MGAT5: variants seen among roughly 807,000 people sequenced by gnomAD.
MGAT5 encodes the protein alpha-1,6-mannosylglycoprotein 6-beta-N-acetylglucosaminyltransferase.
Under a neutral mutation model 94.3 loss-of-function variants are expected in MGAT5, and 30 were observed. The observed-to-expected ratio is 0.32, with a 90% CI of 0.24 to 0.43. MGAT5 has a LOEUF of 0.43. MGAT5 is among the 20% of genes least tolerant of loss of function. The pLI is 1.00. For missense variants in MGAT5, 691 were observed against 905.5 expected, an observed-to-expected ratio of 0.76 and a Z score of 3.04; for synonymous variants, 310 against 322.9, an observed-to-expected ratio of 0.96 and a Z score of 0.43.
chr2:134,392,899 C>T (rs112627312), intron 10 of MGAT5, among the ~76,000 whole-genome samples: 24 of 152,280 alleles, frequency 1.6e-4, no homozygotes, highest in African/African-American at 5.3e-4. Context: ...ACAGAAAGCC[C>T]TTGGTGAGGG....
intron 1 of MGAT5, among the ~76,000 whole-genome samples, chr2:134,237,466 A>T (rs1485960763): frequency 1.3e-5 from 2 of 152,154 alleles, no homozygotes; most frequent in Non-Finnish European, 2.9e-5. Flanking sequence ...GGGGAGGAGG[A>T]TAAAGGAGAA....
intron 10 of MGAT5, among the ~76,000 whole-genome samples, chr2:134,365,816 C>A (rs1680394090): frequency 6.6e-6 from 1 of 152,066 alleles, no homozygotes; most frequent in Non-Finnish European, 1.5e-5. Context: ...TACTAAAATA[C>A]TAGATACTAA....
chr2:134,263,746 G>C (rs997363609), intron 1 of MGAT5, among the ~76,000 whole-genome samples: 7 of 152,158 alleles, frequency 4.6e-5, no homozygotes, highest in African/African-American at 1.7e-4. Context: ...ATTGTACTAT[G>C]TATATATATT....
At chr2:134,235,558 C>T (rs1017342811) in intron 1 of MGAT5, among the ~76,000 whole-genome samples, 1 of 151,998 alleles carries the variant, frequency 6.6e-6, no homozygotes, top group African/African-American at 2.4e-5. Flanking sequence ...CCGGTAACAC[C>T]ATGAGCTAAA....
chr2:134,430,480 A>G (rs1458626211), intron 14 of MGAT5, among the ~76,000 whole-genome samples: 3 of 152,136 alleles, frequency 2.0e-5, no homozygotes, highest in Non-Finnish European at 4.4e-5. Context: ...TGCTGGACAC[A>G]TGGTCGGTGC....
intron 10 of MGAT5, among the ~76,000 whole-genome samples, chr2:134,364,119 A>C (rs1680269020): frequency 6.6e-6 from 1 of 152,226 alleles, no homozygotes; most frequent in African/African-American, 2.4e-5. Context: ...CTAGAAAAAC[A>C]AAACAATAAA....
intron 1 of MGAT5, among the ~76,000 whole-genome samples, chr2:134,120,971 C>T (rs1310356463): frequency 6.6e-6 from 1 of 151,984 alleles, no homozygotes; most frequent in Non-Finnish European, 1.5e-5. Flanking sequence ...CTGCAGGGAG[C>T]GCAGAGCCCA....
intron 15 of MGAT5, 96 bp from the exon 16 acceptor site, chr2:134,448,553 C>G: frequency 9.2e-7 from 1 of 1,091,800 alleles, no homozygotes; most frequent in South Asian, 1.3e-5. Context: ...AACTGAACAT[C>G]CCCCCATGCC....
At chr2:134,407,972 A>G (rs1335121680) in intron 11 of MGAT5, among the ~76,000 whole-genome samples, 2 of 152,238 alleles carry the variant, frequency 1.3e-5, no homozygotes, top group East Asian at 1.9e-4. Flanking sequence ...AGTAACAGCC[A>G]TTATCTCTCC....
rs1009376639 is a variant in MGAT5, at chr2:134,166,852, G to GT, written c.-143+46569dup. Among the ~76,000 whole-genome samples, 28 of 152,076 alleles carry GT rather than the reference G, an allele frequency of 1.8e-4. 2 individuals are homozygous for GT. The highest frequency in any genetic ancestry group is 1.0e-3 in the South Asian group (5 of 4,808). ...ACCCGTAGAAAGCTTTAAATCAACT[G>GT]TTTTTTTTCTTTATAGGGAATTCAC... On this transcript the variant is annotated intron_variant, in intron 1 of 16. Coordinates refer to the MGAT5 transcript ENST00000409645.
chr2:134,220,511 C>CT (rs1367422723), intron 1 of MGAT5, among the ~76,000 whole-genome samples: 2 of 152,206 alleles, frequency 1.3e-5, no homozygotes, highest in African/African-American at 4.8e-5. Flanking sequence ...ACCAGGAAGG[C>CT]TTCAGTCTGT....
chr2:134,370,988 C>T (rs990570449), intron 10 of MGAT5, among the ~76,000 whole-genome samples: 1 of 151,936 alleles, frequency 6.6e-6, no homozygotes, highest in Non-Finnish European at 1.5e-5. Context: ...CCGGGGGTAG[C>T]CTTACCCGAT....
chr2:134,205,026 G>A (rs1449789481), intron 1 of MGAT5, among the ~76,000 whole-genome samples: 1 of 152,192 alleles, frequency 6.6e-6, no homozygotes, highest in Non-Finnish European at 1.5e-5. Flanking sequence ...ACAGCAGAAG[G>A]AGCAGCAAGT....
intron 1 of MGAT5, among the ~76,000 whole-genome samples, chr2:134,185,869 C>T (rs894500802): frequency 2.6e-5 from 4 of 152,194 alleles, no homozygotes; most frequent in African/African-American, 9.7e-5. Flanking sequence ...CTGCTGTCCA[C>T]AGCATGGTTC....
intron 15 of MGAT5, among the ~76,000 whole-genome samples, chr2:134,444,367 AC>A (rs752379615): frequency 2.1e-4 from 32 of 151,648 alleles, no homozygotes; most frequent in Non-Finnish European, 1.2e-4. Context: ...CCCCACCCCC[AC>A]CTCCTACCCC....
intron 10 of MGAT5, among the ~76,000 whole-genome samples, chr2:134,394,126 T>C (rs985157698): frequency 3.9e-5 from 6 of 152,198 alleles, no homozygotes; most frequent in Non-Finnish European, 7.3e-5. Flanking sequence ...CCCAGATTTC[T>C]ACATAATTAC....
At chr2:134,273,937 C>G (rs1284687562) in intron 2 of MGAT5, among the ~76,000 whole-genome samples, 4 of 152,190 alleles carry the variant, frequency 2.6e-5, no homozygotes. Context: ...TCCATATTCA[C>G]TTTCTGAAAG....
intron 13 of MGAT5, among the ~76,000 whole-genome samples, chr2:134,426,362 C>G (rs961908126): frequency 3.9e-5 from 6 of 152,170 alleles, no homozygotes; most frequent in African/African-American, 1.4e-4. Context: ...TTAAAGTGGG[C>G]TAGGTTGGTA....
At chr2:134,433,742 T>C (rs1685011237) in intron 14 of MGAT5, among the ~76,000 whole-genome samples, 1 of 152,106 alleles carries the variant, frequency 6.6e-6, no homozygotes, top group Admixed American at 6.5e-5. Flanking sequence ...TTCTCAGCTG[T>C]AACACAGATA....
Sources: gnomAD v4.1 joint callset for allele counts (sites outside exome capture counted in the v4.1 genomes callset) on GRCh38, gnomAD v4.1.1 for gene constraint, MANE v1.5 for transcripts, NCBI Gene and HGNC (gene_info 2026-07-23, HGNC 2026-07-21) for gene names.